The following BCL2L11 variants were observed in gnomAD, a reference collection of about 807,000 sequenced individuals.
BCL2L11 encodes BCL2 like 11, also known as bcl-2-like protein 11.
BCL2L11 carries 15 observed loss-of-function variants against 20.6 expected under a neutral mutation model. The observed-to-expected ratio is 0.73, with a 90% CI of 0.49 to 1.12. BCL2L11 has a LOEUF of 1.12. BCL2L11 is among the 50% of genes most tolerant of loss of function. BCL2L11 has a pLI of 0.00. For missense variants in BCL2L11, 292 were observed against 260.9 expected (o/e 1.12, Z -0.82); for synonymous variants, 108 against 92.8 (o/e 1.16, Z -0.94).
At position 111,164,292 on chromosome 2, in the gene BCL2L11, C is replaced by A; in HGVS notation, c.*61C>A. ...TTTTGCTTGTTCAAACCAACAAGAC[C>A]CAGCACCGCGGTCTCCTGGTGCCAT... On this transcript the variant is annotated 3_prime_UTR_variant, in exon 4 of 4. Transcript: ENST00000393256. The A allele has an allele frequency of 3.2e-6, 4 of 1,259,262 alleles. No homozygotes were observed. The Admixed American group carries it at 6.7e-5, about 21-fold the overall frequency. 78.0% of individuals were successfully genotyped at this position (1,259,262 alleles called of 1,614,324 possible). A position where few individuals can be genotyped will look rare whatever the true frequency, so the allele number is the denominator to read the frequency against.
chr2:111,128,491 C>T (rs2073154317), intron 2 of BCL2L11: 5 of 1,235,488 alleles, frequency 4.0e-6, no homozygotes, highest in South Asian at 2.1e-5. Flanking sequence ...TATGGTAATT[C>T]TATTTTTAAT....
intron 3 of BCL2L11, among the ~76,000 whole-genome samples, chr2:111,151,454 G>T (rs1469723728): frequency 6.6e-6 from 1 of 151,876 alleles, no homozygotes; most frequent in Non-Finnish European, 1.5e-5. Flanking sequence ...TTCTCTTTTA[G>T]CTCTTTTTTT....
chr2:111,144,848 T>G (rs1280739003), intron 2 of BCL2L11, among the ~76,000 whole-genome samples: 1 of 152,018 alleles, frequency 6.6e-6, no homozygotes, highest in Non-Finnish European at 1.5e-5. Flanking sequence ...CTCTGGAGAG[T>G]AAAGGTAGAC....
intron 2 of BCL2L11, chr2:111,131,569 T>C (rs2073961295): frequency 6.6e-6 from 1 of 152,158 alleles, no homozygotes; most frequent in African/African-American, 2.4e-5. Flanking sequence ...TTTCTCTACT[T>C]TCCTATTATT....
chr2:111,122,991 G>A lies in BCL2L11; in HGVS notation c.-13-742G>A, dbSNP rs2071491548. On this transcript the variant is annotated intron_variant, in intron 1 of 3. Coordinates refer to ENST00000393256, the MANE Select transcript of BCL2L11 (RefSeq NM_138621.5). ...GATGAAGGCGGCGCGGCGCGCACCG[G>A]TGTCGCCTAGCCTGCGGACCTAGTT... is the stretch of plus-strand genomic sequence containing the variant. The A allele has an allele frequency of 6.1e-6, 6 of 985,406 alleles. No homozygotes were observed. In the Admixed American group the frequency reaches 3.7e-4, roughly 60 times the overall value. 61.0% of individuals were successfully genotyped at this position (985,406 alleles called of 1,614,324 possible).
rs1314171271 is a variant in BCL2L11, at chr2:111,168,425, AAAT to A, written c.*4197_*4199del. 1 of 152,670 alleles carries A rather than the reference AAAT, an allele frequency of 6.6e-6. No individual in the cohort carries two copies. Among genetic ancestry groups the A allele is most frequent in the Non-Finnish European group, 1.5e-5 (1 of 68,050 alleles). The allele number at this position is 152,670 out of a possible 1,614,324, so 9.5% of individuals were successfully genotyped here. A position where few individuals can be genotyped will look rare whatever the true frequency, so the allele number is the denominator to read the frequency against. On this transcript the variant is annotated 3_prime_UTR_variant, in exon 4 of 4. Coordinates refer to ENST00000393256, the MANE Select transcript of BCL2L11 (RefSeq NM_138621.5). ...ACAATCTTTTATGTTAATTTTATAAAAATAAAACTTTCAACTAGTTTTGGTGAG... is the reference window on the plus strand; with the variant it reads ...ACAATCTTTTATGTTAATTTTATAAAAAAACTTTCAACTAGTTTTGGTGAG...
chr2:111,164,643 C>T lies in BCL2L11; in HGVS notation c.*412C>T, dbSNP rs574285623. 118 of 158,496 alleles carry T rather than the reference C, an allele frequency of 7.4e-4. No individual in the cohort carries two copies. Among genetic ancestry groups the T allele is most frequent in the African/African-American group, 2.7e-3 (113 of 41,708 alleles). The allele number at this position is 158,496 out of a possible 1,614,324, so 9.8% of individuals were successfully genotyped here. Reference sequence around the variant, plus strand: ...ATTTTAAGAACCTACGGCCTATTCTCAGAGGATTATGTAACCCCTGCAGTG... The same window carrying T: ...ATTTTAAGAACCTACGGCCTATTCTTAGAGGATTATGTAACCCCTGCAGTG... On this transcript the variant is annotated 3_prime_UTR_variant, in exon 4 of 4. Coordinates refer to ENST00000393256, the MANE Select transcript of BCL2L11 (RefSeq NM_138621.5).
At position 111,123,754 on chromosome 2, in the gene BCL2L11, G is replaced by A. The variant is rs777927181; in HGVS notation, c.9G>A (p.Lys3=). 11 of 1,382,214 alleles carry A rather than the reference G, an allele frequency of 8.0e-6. No homozygotes were observed. The highest frequency in any genetic ancestry group is 2.9e-5 in the African/African-American group (2 of 67,948). 85.6% of individuals were successfully genotyped at this position (1,382,214 alleles called of 1,614,324 possible). The change falls in exon 2 of 4, where the codon AAG becomes AAA. Residue 3 remains lysine, a synonymous_variant. Transcript: ENST00000393256. MA[K]QPSDVSSECD... ...GCAGAAAAAAAGACCAAATGGCAAA[G>A]CAACCTTCTGATGTAAGTTCTGAGT... is the stretch of plus-strand genomic sequence containing the variant.
chr2:111,145,858 C>T, intron 2 of BCL2L11: 3 of 627,916 alleles, frequency 4.8e-6, no homozygotes, highest in African/African-American at 2.0e-5. Context: ...AGTGGACACA[C>T]TTTTGGCAAA....
At chr2:111,136,469 A>G (rs964150287) in intron 2 of BCL2L11, among the ~76,000 whole-genome samples, 1 of 152,182 alleles carries the variant, frequency 6.6e-6, no homozygotes, top group Non-Finnish European at 1.5e-5. Flanking sequence ...TAGTGGAACT[A>G]GAGATCTGCA....
chr2:111,143,151 A>G (rs1007617747), intron 2 of BCL2L11, among the ~76,000 whole-genome samples: 45 of 152,208 alleles, frequency 3.0e-4, no homozygotes, highest in African/African-American at 1.1e-3. Flanking sequence ...TAATCCCCTG[A>G]AAGTAATCTA....
intron 2 of BCL2L11, among the ~76,000 whole-genome samples, chr2:111,140,463 T>C (rs2075630981): frequency 6.6e-6 from 1 of 152,180 alleles, no homozygotes; most frequent in Non-Finnish European, 1.5e-5. Flanking sequence ...AGTGGTTTGA[T>C]ACTTTTTTCA....
chr2:111,145,278 C>A (rs2076359308), intron 2 of BCL2L11, among the ~76,000 whole-genome samples: 1 of 152,128 alleles, frequency 6.6e-6, no homozygotes, highest in African/African-American at 2.4e-5. Flanking sequence ...GTGTGACATG[C>A]CCCTGCCACC....
chr2:111,161,463 T>G (rs1415656089), intron 3 of BCL2L11: 1 of 1,550,524 alleles, frequency 6.4e-7, no homozygotes, highest in South Asian at 1.2e-5. Flanking sequence ...AGACGCAGAC[T>G]TATTGGACAC....
At chr2:111,127,847 A>C (rs951335438) in intron 2 of BCL2L11, among the ~76,000 whole-genome samples, 3 of 152,210 alleles carry the variant, frequency 2.0e-5, no homozygotes, top group Admixed American at 2.0e-4. Context: ...TGAGGAGACA[A>C]AAAAGAATGC....
chr2:111,128,961 G>A (rs548599970), intron 2 of BCL2L11: 1 of 729,934 alleles, frequency 1.4e-6, no homozygotes, highest in Non-Finnish European at 2.1e-6. Context: ...GAGCTGGAGT[G>A]TGCAGTGCTG....
In BCL2L11 at chr2:111,152,267, G is replaced by A. The variant is rs144398257; in HGVS notation, c.498+2120G>A. On this transcript the variant is annotated intron_variant, in intron 3 of 3. Coordinates refer to ENST00000393256, the MANE Select transcript of BCL2L11 (RefSeq NM_138621.5). Reference sequence around the variant, plus strand: ...TGGAAGGGGCTTTGTAGACACCCTCGGGGCAAGATCTGCCTTAGATGGGGC... The same window carrying A: ...TGGAAGGGGCTTTGTAGACACCCTCAGGGCAAGATCTGCCTTAGATGGGGC... Among the ~76,000 whole-genome samples the A allele has an allele frequency of 1.6e-4, 24 of 152,228 alleles. 1 individual carries two copies. In the East Asian group the frequency reaches 4.6e-3, roughly 29 times the overall value.
Position 111,143,546 on chromosome 2 carries a change from G to A in BCL2L11, c.395-6498G>A, listed in dbSNP as rs577135503. The stretch of plus-strand genomic sequence containing the variant: ...AGAAGGGAACATTTCAATTCCCTAC[G>A]AGGAATAGCATCGTAGCACTCAGTG... On this transcript the variant is annotated intron_variant, in intron 2 of 3. Coordinates refer to ENST00000393256, the MANE Select transcript of BCL2L11 (RefSeq NM_138621.5). Among the ~76,000 whole-genome samples the A allele has an allele frequency of 1.8e-4, 28 of 152,286 alleles. 1 individual carries two copies. The highest frequency in any genetic ancestry group is 7.7e-4 in the East Asian group (4 of 5,188).
At chr2:111,146,843 GT>G (rs1204054819) in intron 2 of BCL2L11, among the ~76,000 whole-genome samples, 1 of 152,104 alleles carries the variant, frequency 6.6e-6, no homozygotes, top group Non-Finnish European at 1.5e-5. Flanking sequence ...TAAAATAAGA[GT>G]TTTTATCATA....
Sources: gnomAD v4.1 joint callset for allele counts (sites outside exome capture counted in the v4.1 genomes callset) on GRCh38, gnomAD v4.1.1 for gene constraint, MANE v1.5 for transcripts, NCBI Gene and HGNC (gene_info 2026-07-23, HGNC 2026-07-21) for gene names.